The following TRHDE variants were observed in gnomAD, a reference collection of about 807,000 sequenced individuals.
The protein encoded by TRHDE is thyrotropin releasing hormone degrading enzyme.
In TRHDE, 72 loss-of-function variants were observed where a neutral mutation model predicts 125.7. The observed-to-expected ratio is 0.57, with a 90% confidence interval of 0.47 to 0.70. The LOEUF is 0.70. Ranked by LOEUF, TRHDE falls within the 30% of genes least tolerant of loss-of-function variation. The probability of loss-of-function intolerance (pLI) is 0.00; values close to 1 mark genes in which losing one functional copy is unlikely to be tolerated. For synonymous variants in TRHDE, 509 were observed against 509.1 expected (o/e 1.00, Z 0.00); for missense variants, 1,110 against 1,327.1 (o/e 0.84, Z 2.54).
At chr12:72,583,879 C>A in intron 12 of TRHDE, among the ~76,000 whole-genome samples, 3 of 151,384 alleles carry the variant, frequency 2.0e-5, no homozygotes, top group African/African-American at 7.3e-5. Context: ...GTACAAATCT[C>A]CTGAGGCATT....
chr12:72,403,322 G>T lies in TRHDE; in HGVS notation c.1315+25201G>T, dbSNP rs573201496. 8.5e-5 allele frequency among the ~76,000 whole-genome samples: 13 copies of T among 152,276 alleles called. No individual in the cohort carries two copies. The South Asian group carries it at 2.5e-3, about 29-fold the overall frequency. On this transcript the variant is annotated intron_variant, in intron 3 of 18. Coordinates refer to ENST00000261180, the MANE Select transcript of TRHDE (RefSeq NM_013381.3). Reference sequence around the variant, plus strand: ...GTGAGAAATACAGGGAACATTCAGGGCCTTTGTATTTATTTTTCAGACAAA... The same window carrying T: ...GTGAGAAATACAGGGAACATTCAGGTCCTTTGTATTTATTTTTCAGACAAA...
At chr12:72,291,436 C>G (rs1445230382) in intron 2 of TRHDE, among the ~76,000 whole-genome samples, 2 of 152,164 alleles carry the variant, frequency 1.3e-5, no homozygotes, top group Non-Finnish European at 2.9e-5. Flanking sequence ...GGCATTTGGC[C>G]CCACCCTTTG....
Position 72,640,107 on chromosome 12 carries a change from C to T in TRHDE, c.2676-12215C>T, listed in dbSNP as rs550051587. On this transcript the variant is annotated intron_variant, in intron 15 of 18. Transcript: ENST00000261180. ...GGTGGACGCCCCTCCCCCAGCCTCG[C>T]TGCCGCCTTGCAGTTTGATCTCAGA... 5.9e-3 allele frequency among the ~76,000 whole-genome samples: 905 copies of T among 152,348 alleles called. 6 individuals carry two copies. The highest frequency in any genetic ancestry group is 0.021 in the African/African-American group (862 of 41,584).
intron 2 of TRHDE, among the ~76,000 whole-genome samples, chr12:72,197,321 T>C (rs1877464807): frequency 6.6e-6 from 1 of 152,156 alleles, no homozygotes. Context: ...ACTTTCTTTC[T>C]TGGCTTTATA....
chr12:72,373,954 G>A (rs527350071), intron 2 of TRHDE, among the ~76,000 whole-genome samples: 4 of 152,266 alleles, frequency 2.6e-5, no homozygotes, highest in South Asian at 4.1e-4. Context: ...AGAAGAGTGC[G>A]TGATTTGAAG....
At chr12:72,585,068 G>A (rs938654150) in intron 12 of TRHDE, among the ~76,000 whole-genome samples, 6 of 152,128 alleles carry the variant, frequency 3.9e-5, no homozygotes, top group Non-Finnish European at 5.9e-5. Flanking sequence ...GCACATGCCT[G>A]AACATGACCA....
intron 3 of TRHDE, among the ~76,000 whole-genome samples, chr12:72,411,023 T>C (rs555886479): frequency 1.1e-3 from 173 of 151,984 alleles, no homozygotes; most frequent in Non-Finnish European, 1.7e-3. Flanking sequence ...AAACCACGTC[T>C]CTACTAAAAA....
chr12:72,221,390 C>T (rs1877997279), intron 2 of TRHDE, among the ~76,000 whole-genome samples: 1 of 152,062 alleles, frequency 6.6e-6, no homozygotes, highest in African/African-American at 2.4e-5. Flanking sequence ...GGACATCTTA[C>T]TATTGTAAAA....
intron 2 of TRHDE, among the ~76,000 whole-genome samples, chr12:72,313,702 G>A (rs1868655081): frequency 6.6e-6 from 1 of 152,068 alleles, no homozygotes. Flanking sequence ...GTTCTCTAAG[G>A]TTTTCTACAA....
At chr12:72,410,132 A>G (rs537549515) in intron 3 of TRHDE, among the ~76,000 whole-genome samples, 26 of 152,074 alleles carry the variant, frequency 1.7e-4, no homozygotes, top group Non-Finnish European at 3.5e-4. Context: ...CTTTATTAAT[A>G]TTTCATGTCA....
chr12:72,620,059 TAC>T (rs1414378680), intron 13 of TRHDE, among the ~76,000 whole-genome samples: 10 of 152,200 alleles, frequency 6.6e-5, no homozygotes, highest in African/African-American at 2.4e-4. Context: ...AATGGGTCAT[TAC>T]AGTTATGATA....
At position 72,384,257 on chromosome 12, in the gene TRHDE, C is replaced by G. The variant is rs980548902; in HGVS notation, c.1315+6136C>G. ...AAAAAGGAGTTTGATTGCTTTTTTTCAAGACACCATGCTTTTATGAAGAAT... is the reference window on the plus strand; with the variant it reads ...AAAAAGGAGTTTGATTGCTTTTTTTGAAGACACCATGCTTTTATGAAGAAT... On this transcript the variant is annotated intron_variant, in intron 3 of 18. Coordinates refer to ENST00000261180, the MANE Select transcript of TRHDE (RefSeq NM_013381.3). Among the ~76,000 whole-genome samples, 15 of 152,018 alleles carry G rather than the reference C, an allele frequency of 9.9e-5. No individual in the cohort carries two copies. The South Asian group carries it at 1.2e-3, about 13-fold the overall frequency.
rs1290064697 is a variant in TRHDE, at chr12:72,560,109, T to C, written c.1789-2056T>C. Among the ~76,000 whole-genome samples, 5 of 79,090 alleles carry C rather than the reference T, an allele frequency of 6.3e-5. No homozygotes were observed. The East Asian group carries it at 2.2e-3, about 35-fold the overall frequency. 51.9% of individuals were successfully genotyped at this position (79,090 alleles called of 152,430 possible). A position where few individuals can be genotyped will look rare whatever the true frequency, so the allele number is the denominator to read the frequency against. On this transcript the variant is annotated intron_variant, in intron 7 of 18. Transcript: ENST00000261180. ...TTCAAGCTGTAAGTTTATGCAAGCT[T>C]TCTCTTTTAAAAAAGGGAAACTTTA...
chr12:72,151,965 G>T (rs1162999258), intron 2 of TRHDE, among the ~76,000 whole-genome samples: 1 of 151,364 alleles, frequency 6.6e-6, no homozygotes, highest in Non-Finnish European at 1.5e-5. Flanking sequence ...GGATGGCATT[G>T]AATCTGTAAA....
chr12:72,599,369 A>G (rs1428980338), intron 12 of TRHDE, among the ~76,000 whole-genome samples: 1 of 152,152 alleles, frequency 6.6e-6, no homozygotes, highest in Non-Finnish European at 1.5e-5. Flanking sequence ...CTTTCTCCAC[A>G]GCTTCATGAG....
At chr12:72,235,796 G>A (rs546218148) in intron 2 of TRHDE, among the ~76,000 whole-genome samples, 3 of 149,488 alleles carry the variant, frequency 2.0e-5, no homozygotes, top group South Asian at 2.1e-4. Context: ...TTACACTAGC[G>A]TATTTAAGGC....
At chr12:72,501,920 C>T (rs1028180472) in intron 6 of TRHDE, among the ~76,000 whole-genome samples, 5 of 151,952 alleles carry the variant, frequency 3.3e-5, no homozygotes, top group East Asian at 3.9e-4. Context: ...TCACGCACTT[C>T]GCCCATTTCA....
intron 15 of TRHDE, among the ~76,000 whole-genome samples, chr12:72,624,647 C>T (rs560450261): frequency 4.6e-5 from 7 of 151,914 alleles, no homozygotes; most frequent in South Asian, 2.1e-4. Flanking sequence ...GAAAAATTCA[C>T]GAGTTACAGT....
At chr12:72,099,542 T>C (rs1044176960) in intron 1 of TRHDE, among the ~76,000 whole-genome samples, 1 of 152,216 alleles carries the variant, frequency 6.6e-6, no homozygotes, top group African/African-American at 2.4e-5. Flanking sequence ...GATTTCATCT[T>C]ATTATGCTTC....
Sources: gnomAD v4.1 joint callset for allele counts (sites outside exome capture counted in the v4.1 genomes callset) on GRCh38, gnomAD v4.1.1 for gene constraint, MANE v1.5 for transcripts, NCBI Gene and HGNC (gene_info 2026-07-23, HGNC 2026-07-21) for gene names.